Variants in FSTL4 observed in about 807,000 individuals in gnomAD.
FSTL4 encodes follistatin-related protein 4.
FSTL4 carries 28 observed loss-of-function variants against 78.2 expected under a neutral mutation model. The observed-to-expected ratio is 0.36, with a 90% CI of 0.27 to 0.49. FSTL4 has a LOEUF of 0.49. Among genes scored for constraint, FSTL4 ranks in the 20% least tolerant of loss-of-function variants. The pLI, the probability that FSTL4 is intolerant of heterozygous loss-of-function variation, is 0.98. For synonymous variants in FSTL4, 422 were observed against 440.5 expected, an observed-to-expected ratio of 0.96 and a Z score of 0.53; for missense variants, 922 against 1,084.9, an observed-to-expected ratio of 0.85 and a Z score of 2.11.
intron 3 of FSTL4, among the ~76,000 whole-genome samples, chr5:133,468,885 G>C (rs1757764374): frequency 6.6e-6 from 1 of 152,200 alleles, no homozygotes; most frequent in South Asian, 2.1e-4. Context: ...CACGAGGGAA[G>C]AGCTGAGAGG....
chr5:133,319,467 G>A (rs1753993963), intron 4 of FSTL4, among the ~76,000 whole-genome samples: 1 of 152,230 alleles, frequency 6.6e-6, no homozygotes, highest in African/African-American at 2.4e-5. Flanking sequence ...GTAGGAGGAG[G>A]AGTTGTGGGA....
At chr5:133,511,400 C>T (rs1426716403) in intron 3 of FSTL4, among the ~76,000 whole-genome samples, 1 of 152,196 alleles carries the variant, frequency 6.6e-6, no homozygotes, top group Non-Finnish European at 1.5e-5. Context: ...ATCCTGTCAA[C>T]CACGATCCTT....
chr5:133,225,910 G>A lies in FSTL4; in HGVS notation c.1016-91C>T. On this transcript the variant is annotated intron_variant, in intron 8 of 15. Coordinates refer to ENST00000265342, the MANE Select transcript of FSTL4 (RefSeq NM_015082.2). This position sits in a 1 kb window ranked among gnomAD's most constrained non-coding sequence, Gnocchi z 4.6. ...AACCTGAGACCCTGCTCCAGAGGGG[G>A]TGAACCCAAGTAGGTGACTGGAGTT... 1 of 940,016 alleles carries A rather than the reference G, an allele frequency of 1.1e-6. No homozygotes were observed. Among genetic ancestry groups the A allele is most frequent in the Non-Finnish European group, 1.5e-6 (1 of 657,598 alleles). 58.2% of individuals were successfully genotyped at this position (940,016 alleles called of 1,614,324 possible).
the FSTL4 span, among the ~76,000 whole-genome samples, chr5:133,764,483 C>T: frequency 6.6e-6 from 1 of 152,170 alleles, no homozygotes; most frequent in Non-Finnish European, 1.5e-5. Flanking sequence ...TGAAACCATG[C>T]CATAGGCAAG....
chr5:133,464,590 C>T (rs1416902572), intron 3 of FSTL4, among the ~76,000 whole-genome samples: 1 of 152,206 alleles, frequency 6.6e-6, no homozygotes, highest in Non-Finnish European at 1.5e-5. Flanking sequence ...CAGCAGCTTC[C>T]AGCACTGAGC....
intron 3 of FSTL4, among the ~76,000 whole-genome samples, chr5:133,529,619 T>A (rs1051282873): frequency 2.0e-5 from 3 of 152,182 alleles, no homozygotes; most frequent in Non-Finnish European, 4.4e-5. Context: ...TGAGGATAAT[T>A]AGACAACACT....
chr5:133,249,175 A>G (rs1034178623), intron 7 of FSTL4, among the ~76,000 whole-genome samples: 1 of 152,162 alleles, frequency 6.6e-6, no homozygotes, highest in South Asian at 2.1e-4. Flanking sequence ...TGTCCCACCC[A>G]TCGCATCTCT....
chr5:133,668,571 G>A, the FSTL4 span, among the ~76,000 whole-genome samples: 2 of 152,262 alleles, frequency 1.3e-5, no homozygotes, highest in East Asian at 1.9e-4. Flanking sequence ...ATGCAGGAAG[G>A]GCTGCAGGCC....
chr5:133,492,815 A>G (rs1405402222), intron 3 of FSTL4, among the ~76,000 whole-genome samples: 1 of 151,966 alleles, frequency 6.6e-6, no homozygotes, highest in Non-Finnish European at 1.5e-5. Flanking sequence ...TTGTTCTTCA[A>G]AACTCTTAAT....
At chr5:133,455,996 G>C (rs543382751) in intron 3 of FSTL4, among the ~76,000 whole-genome samples, 2 of 152,208 alleles carry the variant, frequency 1.3e-5, no homozygotes, top group Non-Finnish European at 2.9e-5. Flanking sequence ...CCCAGCTCTC[G>C]TAGTGTCTTG....
At chr5:133,738,797 G>A in the FSTL4 span, among the ~76,000 whole-genome samples, 3 of 152,174 alleles carry the variant, frequency 2.0e-5, no homozygotes, top group Admixed American at 6.5e-5. Context: ...ATTGCGTGTA[G>A]GAGTCAGGGA....
chr5:133,248,822 T>C (rs1752124137), intron 7 of FSTL4: 1 of 155,620 alleles, frequency 6.4e-6, no homozygotes. Context: ...TACCCAGCAA[T>C]GAACGTCCCC....
At chr5:133,268,567 C>T (rs920919272) in intron 6 of FSTL4, among the ~76,000 whole-genome samples, 34 of 152,128 alleles carry the variant, frequency 2.2e-4, no homozygotes, top group African/African-American at 7.2e-4. Context: ...CTTGGTAGCC[C>T]GGCTTCTGCA....
chr5:133,699,738 A>G, the FSTL4 span, among the ~76,000 whole-genome samples: 14 of 152,108 alleles, frequency 9.2e-5, no homozygotes, highest in East Asian at 2.7e-3. Context: ...AAAATTAGCC[A>G]GGTGCAGTGG....
At chr5:133,216,162 GTCAGAAAGAATCTA>G (rs1370404950) in intron 13 of FSTL4, among the ~76,000 whole-genome samples, 2 of 152,250 alleles carry the variant, frequency 1.3e-5, no homozygotes, top group East Asian at 1.9e-4. Context: ...TATTCAATCT[GTCAGAAAGAATCTA>G]TCAGAAAGTC....
intron 6 of FSTL4, among the ~76,000 whole-genome samples, chr5:133,303,144 T>C (rs925620259): frequency 1.9e-4 from 29 of 152,228 alleles, no homozygotes; most frequent in African/African-American, 6.5e-4. Context: ...TCCTGTGGCC[T>C]CTGACTATAT....
intron 3 of FSTL4, among the ~76,000 whole-genome samples, chr5:133,410,416 G>A (rs968454018): frequency 5.9e-5 from 9 of 152,180 alleles, no homozygotes; most frequent in African/African-American, 1.9e-4. Flanking sequence ...GGTCTGCACC[G>A]TCTCGCTGAT....
the FSTL4 span, among the ~76,000 whole-genome samples, chr5:133,811,752 C>T: frequency 6.6e-6 from 1 of 152,202 alleles, no homozygotes; most frequent in African/African-American, 2.4e-5. Flanking sequence ...TGCCATTCCC[C>T]ATCTACCCTC....
At chr5:133,727,165 G>A in the FSTL4 span, among the ~76,000 whole-genome samples, 1 of 152,106 alleles carries the variant, frequency 6.6e-6, no homozygotes, top group African/African-American at 2.4e-5. Context: ...TTCAGAAGTA[G>A]CAGGACAGAA....
Sources: allele counts gnomAD v4.1 joint callset (sites outside exome capture counted in the v4.1 genomes callset), GRCh38; gene constraint gnomAD v4.1.1; non-coding constraint Gnocchi (gnomAD v3.1); transcripts MANE v1.5; gene names NCBI Gene and HGNC (gene_info 2026-07-23, HGNC 2026-07-21).